ATXN7L1: variants seen among roughly 807,000 people sequenced by gnomAD.
The protein encoded by ATXN7L1 is ataxin-7-like protein 1.
A neutral mutation model predicts 70.8 loss-of-function variants in ATXN7L1; 15 were observed. That is an observed-to-expected ratio of 0.21 (90% confidence interval 0.14 to 0.33). The LOEUF (loss-of-function observed/expected upper bound fraction) is 0.33, where lower values mean the gene tolerates loss of function less well. ATXN7L1 is among the 10% of genes least tolerant of loss of function. The probability of loss-of-function intolerance (pLI) is 1.00; values close to 1 mark genes in which losing one functional copy is unlikely to be tolerated. For missense variants in ATXN7L1, 975 were observed against 1,097.1 expected (o/e 0.89, Z 1.57); for synonymous variants, 440 against 445.1 (o/e 0.99, Z 0.14).
chr7:105,829,206 G>A (rs538954761), intron 2 of ATXN7L1, among the ~76,000 whole-genome samples: 2 of 152,298 alleles, frequency 1.3e-5, no homozygotes, highest in South Asian at 4.1e-4. Context: ...TGGATCACTT[G>A]AGGTCAGGAG....
intron 2 of ATXN7L1, among the ~76,000 whole-genome samples, chr7:105,872,495 G>C (rs1206712738): frequency 6.6e-6 from 1 of 152,144 alleles, no homozygotes; most frequent in Admixed American, 6.5e-5. Context: ...CCTTAAAAAG[G>C]AATGAAGTAC....
intron 2 of ATXN7L1, among the ~76,000 whole-genome samples, chr7:105,792,185 G>A (rs536731574): frequency 1.3e-5 from 2 of 152,346 alleles, no homozygotes; most frequent in South Asian, 4.1e-4. Context: ...ACCTGGAGGT[G>A]TGTTCCCCTC....
At position 105,853,640 on chromosome 7, in the gene ATXN7L1, T is replaced by C. The variant is rs1287100654; in HGVS notation, c.250+22172A>G. Reference sequence around the variant, plus strand: ...TGAGCTGGGCGTGGTGGTGGGCGCCTGTAATCCCAGTTACTCGGGAGGCTG... The same window carrying C: ...TGAGCTGGGCGTGGTGGTGGGCGCCCGTAATCCCAGTTACTCGGGAGGCTG... On this transcript the variant is annotated intron_variant, in intron 2 of 11. Transcript: ENST00000419735. 2.6e-5 allele frequency among the ~76,000 whole-genome samples: 4 copies of C among 151,392 alleles called. No individual in the cohort carries two copies. In the East Asian group the frequency reaches 5.8e-4, roughly 22 times the overall value.
chr7:105,759,549 G>C (rs2073026754), intron 3 of ATXN7L1, among the ~76,000 whole-genome samples: 1 of 151,786 alleles, frequency 6.6e-6, no homozygotes, highest in Non-Finnish European at 1.5e-5. Context: ...AGTGGGGTGT[G>C]ATCAGAGAGA....
At chr7:105,769,120 CTTACTGAGTTG>C (rs1366953871) in intron 3 of ATXN7L1, among the ~76,000 whole-genome samples, 1 of 152,174 alleles carries the variant, frequency 6.6e-6, no homozygotes, top group Admixed American at 6.5e-5. Flanking sequence ...GCCAGTGTAC[CTTACTGAGTTG>C]TTATGAAAAT....
At chr7:105,609,173 C>T (rs371551588) in intron 11 of ATXN7L1, among the ~76,000 whole-genome samples, 3 of 152,016 alleles carry the variant, frequency 2.0e-5, no homozygotes, top group African/African-American at 4.8e-5. Flanking sequence ...GCCTCCCCCT[C>T]CTCTTTTTTT....
chr7:105,832,979 G>C (rs887947192), intron 2 of ATXN7L1, among the ~76,000 whole-genome samples: 1 of 152,174 alleles, frequency 6.6e-6, no homozygotes, highest in Non-Finnish European at 1.5e-5. Flanking sequence ...CAGAAGAGCA[G>C]ATTCTCCACA....
chr7:105,841,064 T>C (rs552448511), intron 2 of ATXN7L1, among the ~76,000 whole-genome samples: 1 of 152,346 alleles, frequency 6.6e-6, no homozygotes, highest in African/African-American at 2.4e-5. Context: ...ATAAATCTCA[T>C]TGCTAATATC....
chr7:105,711,612 C>T (rs1793921247), intron 3 of ATXN7L1, among the ~76,000 whole-genome samples: 1 of 152,216 alleles, frequency 6.6e-6, no homozygotes, highest in Non-Finnish European at 1.5e-5. Flanking sequence ...CCTTTGACTC[C>T]ATGTCTCACA....
At chr7:105,651,280 G>C (rs1374393036) in intron 4 of ATXN7L1, among the ~76,000 whole-genome samples, 2 of 152,182 alleles carry the variant, frequency 1.3e-5, no homozygotes, top group African/African-American at 4.8e-5. Flanking sequence ...GATAATAAGA[G>C]ATATTTGAAG....
At chr7:105,831,163 G>A (rs996701239) in intron 2 of ATXN7L1, among the ~76,000 whole-genome samples, 3 of 152,234 alleles carry the variant, frequency 2.0e-5, no homozygotes, top group African/African-American at 7.2e-5. Context: ...GTACACACTT[G>A]TTGGTGACCA....
intron 2 of ATXN7L1, among the ~76,000 whole-genome samples, chr7:105,808,111 G>A (rs544680374): frequency 5.8e-4 from 89 of 152,288 alleles, no homozygotes; most frequent in African/African-American, 2.0e-3. Context: ...CTAGAAAGCA[G>A]GAAAAGGAAG....
rs1562889943 is a variant in ATXN7L1, at chr7:105,614,494, G to C, written c.1840C>G (p.Pro614Ala). The change falls in exon 10 of 12, where the codon CCA (proline) becomes GCA (alanine). Residue 614 changes from proline (P) to alanine (A), a missense_variant. This residue lies in a region of ATXN7L1 where 635 missense variants were observed against 699.4 expected (regional missense o/e 0.91). Transcript: ENST00000419735. This position sits in a 1 kb window ranked among gnomAD's most constrained non-coding sequence, Gnocchi z 4.3. ...TTGGTTTTGGATGGCTTGTGGGATG[G>C]GGAAGGGATGACGGCTGGTATCGGG... is the stretch of plus-strand genomic sequence containing the variant. ...VSPIPAVIPS[P>A]SHKPSKTKTS... 1 of 1,534,342 alleles carries C rather than the reference G, an allele frequency of 6.5e-7. No individual in the cohort carries two copies. Among genetic ancestry groups the C allele is most frequent in the Non-Finnish European group, 8.8e-7 (1 of 1,137,142 alleles).
At chr7:105,649,352 C>G in intron 4 of ATXN7L1, 1 of 986,768 alleles carries the variant, frequency 1.0e-6, no homozygotes, top group African/African-American at 1.7e-5. Flanking sequence ...GGAAAGAAAC[C>G]CAATGCCGAG....
intron 3 of ATXN7L1, among the ~76,000 whole-genome samples, chr7:105,724,287 A>G (rs1012464669): frequency 1.3e-5 from 2 of 152,124 alleles, no homozygotes; most frequent in African/African-American, 4.8e-5. Context: ...AGAAATGGAA[A>G]TTAGGGCCGG....
intron 3 of ATXN7L1, among the ~76,000 whole-genome samples, chr7:105,665,653 C>A (rs1194811493): frequency 6.6e-6 from 1 of 152,194 alleles, no homozygotes; most frequent in Non-Finnish European, 1.5e-5. Context: ...TCCTAGACAG[C>A]TACACAGAGG....
chr7:105,609,127 T>C (rs1369080935), intron 11 of ATXN7L1, among the ~76,000 whole-genome samples: 1 of 152,144 alleles, frequency 6.6e-6, no homozygotes, highest in Non-Finnish European at 1.5e-5. Context: ...TCAGAGGCTT[T>C]TGAGAGAGTG....
intron 3 of ATXN7L1, among the ~76,000 whole-genome samples, chr7:105,767,935 A>C (rs1801495912): frequency 6.6e-6 from 1 of 152,248 alleles, no homozygotes; most frequent in South Asian, 2.1e-4. Flanking sequence ...GTGAAAAGAC[A>C]GAGGCTCATC....
chr7:105,775,267 A>G (rs763104598), intron 3 of ATXN7L1, among the ~76,000 whole-genome samples: 5 of 152,216 alleles, frequency 3.3e-5, no homozygotes, highest in Non-Finnish European at 7.3e-5. Context: ...TAATTGTGAG[A>G]TGTAACATTA....
Sources: allele counts gnomAD v4.1 joint callset (sites outside exome capture counted in the v4.1 genomes callset), GRCh38; gene constraint gnomAD v4.1.1; regional missense constraint gnomAD v4.1.1; non-coding constraint Gnocchi (gnomAD v3.1); transcripts MANE v1.5; gene names NCBI Gene and HGNC (gene_info 2026-07-23, HGNC 2026-07-21).